The following UBE3D variants were observed in gnomAD, a reference collection of about 807,000 sequenced individuals.
UBE3D encodes ubiquitin protein ligase E3D, also known as E3 ubiquitin-protein ligase E3D.
In UBE3D, 48 loss-of-function variants were observed where a neutral mutation model predicts 49.6. That is an observed-to-expected ratio of 0.97 (90% CI 0.77 to 1.23). The LOEUF is 1.23. Among genes scored for constraint, UBE3D ranks in the 50% most tolerant of loss-of-function variants. UBE3D has a pLI of 0.00. For missense variants in UBE3D, 452 were observed against 468.4 expected, an observed-to-expected ratio of 0.96 and a Z score of 0.32; for synonymous variants, 189 against 174.2, an observed-to-expected ratio of 1.08 and a Z score of -0.67.
chr6:83,013,072 G>A (rs1186017062), intron 8 of UBE3D, among the ~76,000 whole-genome samples: 2 of 152,164 alleles, frequency 1.3e-5, no homozygotes, highest in Non-Finnish European at 2.9e-5. Context: ...ACTTCCTCAT[G>A]TAACTTACTT....
intron 8 of UBE3D, among the ~76,000 whole-genome samples, chr6:83,010,429 T>G (rs1452006945): frequency 6.6e-6 from 1 of 152,180 alleles, no homozygotes; most frequent in Admixed American, 6.5e-5. Flanking sequence ...TATATCTTAA[T>G]GCAATATACA....
At chr6:82,963,499 A>C (rs1378054775) in intron 8 of UBE3D, among the ~76,000 whole-genome samples, 1 of 152,216 alleles carries the variant, frequency 6.6e-6, no homozygotes, top group African/African-American at 2.4e-5. Context: ...TTGCAAGCTG[A>C]GGAGCAAGGA....
intron 5 of UBE3D, among the ~76,000 whole-genome samples, chr6:83,029,666 G>A (rs1157782894): frequency 6.6e-6 from 1 of 152,122 alleles, no homozygotes; most frequent in Non-Finnish European, 1.5e-5. Flanking sequence ...ACAGAAGCAG[G>A]ACATTGTGTG....
At position 82,986,244 on chromosome 6, in the gene UBE3D, G is replaced by A. The variant is rs1422805073; in HGVS notation, c.1011-28794C>T. Among the ~76,000 whole-genome samples the A allele has an allele frequency of 5.9e-5, 9 of 151,726 alleles. No individual in the cohort carries two copies. In the East Asian group the frequency reaches 7.7e-4, roughly 13 times the overall value. On this transcript the variant is annotated intron_variant, in intron 8 of 9. Coordinates refer to ENST00000369747, the MANE Select transcript of UBE3D (RefSeq NM_198920.3). ...TCCCAGCACTTTTGGAGGCCGTGGC[G>A]GGCAGATTACGAGGTCAGGAGTTCA...
chr6:82,932,845 T>C (rs1227615259), intron 9 of UBE3D, among the ~76,000 whole-genome samples: 3 of 152,278 alleles, frequency 2.0e-5, no homozygotes, highest in South Asian at 2.1e-4. Context: ...GAAATGTGTA[T>C]GGAGCATTTT....
intron 9 of UBE3D, among the ~76,000 whole-genome samples, chr6:82,929,414 T>C (rs1256257630): frequency 6.6e-6 from 1 of 152,220 alleles, no homozygotes; most frequent in Non-Finnish European, 1.5e-5. Context: ...TTACTGAAGA[T>C]TTCCTATTTT....
At chr6:82,923,114 G>A (rs1240599967) in intron 9 of UBE3D, among the ~76,000 whole-genome samples, 3 of 152,168 alleles carry the variant, frequency 2.0e-5, no homozygotes, top group Non-Finnish European at 2.9e-5. Flanking sequence ...GTTGGTGGGA[G>A]TGTAAATTAG....
intron 3 of UBE3D, among the ~76,000 whole-genome samples, chr6:83,046,513 T>C (rs1444952256): frequency 6.6e-6 from 1 of 152,136 alleles, no homozygotes; most frequent in Non-Finnish European, 1.5e-5. Context: ...AAGTCTACTA[T>C]GAATAAGGCA....
At chr6:82,952,329 G>A (rs1195763153) in intron 9 of UBE3D, among the ~76,000 whole-genome samples, 1 of 151,924 alleles carries the variant, frequency 6.6e-6, no homozygotes, top group Non-Finnish European at 1.5e-5. Context: ...AAAATGAAAT[G>A]AGCTACTAAG....
intron 8 of UBE3D, among the ~76,000 whole-genome samples, chr6:82,989,373 A>C (rs1778732539): frequency 6.6e-6 from 1 of 151,992 alleles, no homozygotes; most frequent in African/African-American, 2.4e-5. Context: ...AGTTGGCTAC[A>C]TGGCATCTAG....
rs777566338 is a variant in UBE3D at position 83,057,869 on chromosome 6, A to G, written c.231T>C (p.Asp77=). ...SCRGLQFVVG[D]GLHLRLQTQA... The stretch of plus-strand genomic sequence containing the variant: ...GCGTCTGCAGTCGCAGGTGCAGTCC[A>G]TCTCCAACAACAAACTGTAGCCCAC... The change falls in exon 2 of 10, where the codon GAT becomes GAC. Residue 77 remains aspartate (D), a synonymous_variant. Transcript: ENST00000369747. 2.5e-6 allele frequency: 4 copies of G among 1,614,190 alleles called. No individual in the cohort carries two copies. Among genetic ancestry groups the G allele is most frequent in the Non-Finnish European group, 3.4e-6 (4 of 1,180,028 alleles).
At chr6:83,032,243 C>T (rs770032212) in intron 5 of UBE3D, 149 of 455,930 alleles carry the variant, frequency 3.3e-4, no homozygotes, top group East Asian at 2.8e-4. Flanking sequence ...GGGCCGTACC[C>T]GGCAAAACCA....
At chr6:82,939,222 GC>G (rs1169674467) in intron 9 of UBE3D, among the ~76,000 whole-genome samples, 1 of 152,230 alleles carries the variant, frequency 6.6e-6, no homozygotes, top group Non-Finnish European at 1.5e-5. Flanking sequence ...CCCAGAGCCT[GC>G]CAGGCCTTGC....
chr6:83,063,929 T>C (rs1050903516), intron 1 of UBE3D, among the ~76,000 whole-genome samples: 1 of 152,164 alleles, frequency 6.6e-6, no homozygotes, highest in Non-Finnish European at 1.5e-5. Context: ...AAAAGATTTA[T>C]ACAACAGTGT....
Position 83,065,637 on chromosome 6 carries a change from C to A in UBE3D, c.77+5G>T. On this transcript the variant is annotated splice_donor_5th_base_variant and intron_variant, in intron 1 of 9. Transcript: ENST00000369747. ...GGGCACTGCGCCTAGAATCCCAGTT[C>A]TTACCCCAGGATCAGAAGCGCGCTC... 6.2e-7 allele frequency: 1 copy of A among 1,613,928 alleles called. No homozygotes were observed. Among genetic ancestry groups the A allele is most frequent in the South Asian group, 1.1e-5 (1 of 91,018 alleles).
chr6:83,028,187 C>T, intron 5 of UBE3D, among the ~76,000 whole-genome samples: 1 of 152,048 alleles, frequency 6.6e-6, no homozygotes, highest in Non-Finnish European at 1.5e-5. Flanking sequence ...GCTAAATATG[C>T]TAAGCATGGT....
chr6:83,036,314 G>A (rs902574683), intron 5 of UBE3D: 31 of 151,936 alleles, frequency 2.0e-4, no homozygotes, highest in African/African-American at 5.1e-4. Flanking sequence ...GTGAGCCTCC[G>A]TGCCCGGCCT....
chr6:82,891,685 T>C (rs1770980833), downstream of UBE3D, among the ~76,000 whole-genome samples: 3 of 152,072 alleles, frequency 2.0e-5, no homozygotes, highest in Admixed American at 2.0e-4. Flanking sequence ...GAAGAAGAAA[T>C]CATGAAAAGT....
At chr6:82,979,123 A>T (rs1777934733) in intron 8 of UBE3D, among the ~76,000 whole-genome samples, 1 of 152,214 alleles carries the variant, frequency 6.6e-6, no homozygotes, top group Non-Finnish European at 1.5e-5. Flanking sequence ...TCAACAATGG[A>T]ATACTAGAGA....
Sources: gnomAD v4.1 joint callset for allele counts (sites outside exome capture counted in the v4.1 genomes callset) on GRCh38, gnomAD v4.1.1 for gene constraint, MANE v1.5 for transcripts, NCBI Gene and HGNC (gene_info 2026-07-23, HGNC 2026-07-21) for gene names.